SLC9C1: variants seen among roughly 807,000 people sequenced by gnomAD.
SLC9C1 encodes sodium/hydrogen exchanger 10.
A neutral mutation model predicts 140.9 loss-of-function variants in SLC9C1; 97 were observed. The observed-to-expected ratio is 0.69, with a 90% confidence interval of 0.58 to 0.82. SLC9C1 has a LOEUF of 0.82. SLC9C1 is among the 40% of genes least tolerant of loss of function. SLC9C1 has a pLI of 0.00. For missense variants in SLC9C1, 1,340 were observed against 1,389.3 expected, an observed-to-expected ratio of 0.96 and a Z score of 0.56; for synonymous variants, 440 against 442.6, an observed-to-expected ratio of 0.99 and a Z score of 0.07.
intron 5 of SLC9C1, among the ~76,000 whole-genome samples, chr3:112,275,946 C>T (rs755836713): frequency 1.3e-5 from 2 of 152,018 alleles, no homozygotes; most frequent in East Asian, 1.9e-4. Context: ...CTCCTGCCAC[C>T]GCCATGGCAG....
Position 112,179,551 on chromosome 3 carries a change from TG to T in SLC9C1, c.2898del (p.Thr967ProfsTer5). 1 of 1,605,426 alleles carries T rather than the reference TG, an allele frequency of 6.2e-7. No individual in the cohort carries two copies. Among genetic ancestry groups the T allele is most frequent in the African/African-American group, 1.3e-5 (1 of 74,748 alleles). On this transcript the variant is annotated frameshift_variant, in exon 23 of 29. Coordinates refer to ENST00000305815, the MANE Select transcript of SLC9C1 (RefSeq NM_183061.3). LOFTEE classifies it high-confidence loss of function. ...CLTNEPMKYS[A>X]TCKTVVETCF... is the part of the protein sequence containing the mutation. Reference sequence around the variant, plus strand: ...CTGACCTCCACTACAGTTTTGCAGGTGGCAGAATATTTCATAGGTTCATTAG... The same window carrying T: ...CTGACCTCCACTACAGTTTTGCAGGTGCAGAATATTTCATAGGTTCATTAG...
rs2077647359 is a variant in SLC9C1, at chr3:112,190,953, A to ACACACG, written c.2523+8367_2523+8368insCGTGTG. Among the ~76,000 whole-genome samples the ACACACG allele has an allele frequency of 2.1e-5, 3 of 146,004 alleles. No individual in the cohort carries two copies. In the South Asian group the frequency reaches 6.3e-4, roughly 31 times the overall value. On this transcript the variant is annotated intron_variant, in intron 20 of 28. Coordinates refer to ENST00000305815, the MANE Select transcript of SLC9C1 (RefSeq NM_183061.3). Reference sequence around the variant, plus strand: ...AACACACACACACACACACACACACACACACACACACATATATATATATGG... The same window carrying ACACACG: ...AACACACACACACACACACACACACACACACGCACACACACACATATATATATATGG...
At chr3:112,237,118 C>G (rs933933873) in intron 12 of SLC9C1, among the ~76,000 whole-genome samples, 3 of 152,154 alleles carry the variant, frequency 2.0e-5, no homozygotes, top group African/African-American at 4.8e-5. Context: ...TTGTAGGTCT[C>G]TAAGGAGTTG....
intron 26 of SLC9C1, among the ~76,000 whole-genome samples, chr3:112,159,946 A>G (rs192726017): frequency 1.3e-4 from 20 of 151,960 alleles, no homozygotes; most frequent in Admixed American, 3.9e-4. Flanking sequence ...TTCAGTGTAC[A>G]TGTATTTTTA....
In SLC9C1 at chr3:112,151,791, G is replaced by A. The variant is rs1395354784; in HGVS notation, c.3524+66C>T. 4.0e-6 allele frequency: 5 copies of A among 1,261,792 alleles called. No homozygotes were observed. The East Asian group carries it at 1.2e-4, about 29-fold the overall frequency. The allele number at this position is 1,261,792 out of a possible 1,614,324, so 78.2% of individuals were successfully genotyped here. ...ATCACATAAAGGGCAAGTAACTTTG[G>A]CTTCAGTCTGTATCTCCAGGGACAG... On this transcript the variant is annotated intron_variant, in intron 28 of 28. Transcript: ENST00000305815.
At chr3:112,243,932 G>T in intron 11 of SLC9C1, 63 bp downstream of exon 11, 1 of 1,111,846 alleles carries the variant, frequency 9.0e-7, no homozygotes, top group Non-Finnish European at 1.3e-6. Flanking sequence ...TTTATTATTA[G>T]CACTTCTTTA....
chr3:112,280,676 T>C lies in SLC9C1; in HGVS notation c.189+7A>G. ...AATAGTGTAAAATACTCATTTACAA[T>C]ACACACCTGTGAAGATGTAAAGCTT... is the stretch of plus-strand genomic sequence containing the variant. On this transcript the variant is annotated splice_region_variant and intron_variant, in intron 3 of 28. Coordinates refer to ENST00000305815, the MANE Select transcript of SLC9C1 (RefSeq NM_183061.3). 6.3e-7 allele frequency: 1 copy of C among 1,587,714 alleles called. No homozygotes were observed. The highest frequency in any genetic ancestry group is 8.6e-7 in the Non-Finnish European group (1 of 1,169,104).
chr3:112,257,621 A>G (rs1413522318), intron 10 of SLC9C1, among the ~76,000 whole-genome samples: 1 of 152,192 alleles, frequency 6.6e-6, no homozygotes, highest in Non-Finnish European at 1.5e-5. Flanking sequence ...AGGCAATACC[A>G]TGCTGGACAT....
intron 26 of SLC9C1, among the ~76,000 whole-genome samples, chr3:112,161,665 T>A (rs929483533): frequency 1.3e-5 from 2 of 152,120 alleles, no homozygotes; most frequent in Non-Finnish European, 1.5e-5. Flanking sequence ...GCTGTTTTGG[T>A]TACTGCAGCC....
At chr3:112,141,371 G>A in intron 28 of SLC9C1, 90 bp from the exon 29 acceptor site, 2 of 1,392,758 alleles carry the variant, frequency 1.4e-6, no homozygotes, top group Non-Finnish European at 1.9e-6. Context: ...TGTACTAGAG[G>A]GTCAATTTGA....
At chr3:112,249,423 T>C (rs1239620613) in intron 10 of SLC9C1, among the ~76,000 whole-genome samples, 4 of 152,038 alleles carry the variant, frequency 2.6e-5, no homozygotes, top group Admixed American at 2.6e-4. Context: ...TTTTCTGTTG[T>C]GTCTCTGCTA....
chr3:112,193,581 C>T (rs965574318), intron 20 of SLC9C1, among the ~76,000 whole-genome samples: 2 of 152,004 alleles, frequency 1.3e-5, no homozygotes, highest in Non-Finnish European at 2.9e-5. Context: ...CTGGGGGTAG[C>T]CCATGGGGTT....
At chr3:112,157,763 A>AT (rs56091442) in intron 26 of SLC9C1, among the ~76,000 whole-genome samples, 41,515 of 148,800 alleles carry the variant, frequency 0.28, 5,840 homozygotes, top group East Asian at 0.35. Context: ...ATTCCTAGGT[A>AT]TTTTTTTTTT....
At chr3:112,161,387 G>T (rs905482009) in intron 26 of SLC9C1, among the ~76,000 whole-genome samples, 14 of 152,064 alleles carry the variant, frequency 9.2e-5, no homozygotes, top group African/African-American at 3.1e-4. Flanking sequence ...TTTCTTCTAG[G>T]GTTTTTATGG....
In SLC9C1 at chr3:112,208,312, A is replaced by G; in HGVS notation, c.1852T>C (p.Tyr618His). The change falls in exon 16 of 29, where the codon TAC becomes CAC. Residue 618 changes from tyrosine to histidine, a missense_variant. Coordinates refer to ENST00000305815, the MANE Select transcript of SLC9C1 (RefSeq NM_183061.3). Reference sequence around the variant, plus strand: ...AATATATTCATTAATATCACAAGGTATCCAACATGTTCAAATTCCTCAGTA... The same window carrying G: ...AATATATTCATTAATATCACAAGGTGTCCAACATGTTCAAATTCCTCAGTA... ...VFTEEFEHVGYLVILMNIFPF... is the reference protein window; with the variant it reads ...VFTEEFEHVGHLVILMNIFPF... 1 of 1,608,016 alleles carries G rather than the reference A, an allele frequency of 6.2e-7. No individual in the cohort carries two copies. Among genetic ancestry groups the G allele is most frequent in the South Asian group, 1.1e-5 (1 of 90,480 alleles).
chr3:112,187,613 C>T (rs1352987260), intron 20 of SLC9C1, among the ~76,000 whole-genome samples: 1 of 151,940 alleles, frequency 6.6e-6, no homozygotes, highest in Non-Finnish European at 1.5e-5. Flanking sequence ...AGAAACCAGT[C>T]AAAATTTTTT....
At chr3:112,267,597 AGAG>A (rs140643360) in intron 7 of SLC9C1, among the ~76,000 whole-genome samples, 2 of 132,614 alleles carry the variant, frequency 1.5e-5, no homozygotes, top group Admixed American at 1.6e-4. Flanking sequence ...AAAAAAAAAA[AGAG>A]AGAGAGAGAG....
At chr3:112,202,500 C>A in intron 17 of SLC9C1, 101 bp from the exon 18 acceptor site, 1 of 1,190,726 alleles carries the variant, frequency 8.4e-7, no homozygotes, top group Non-Finnish European at 1.2e-6. Flanking sequence ...AAATTAAGTG[C>A]CCTCAAAGGT....
At chr3:112,250,127 T>A (rs2079410039) in intron 10 of SLC9C1, among the ~76,000 whole-genome samples, 1 of 150,404 alleles carries the variant, frequency 6.6e-6, no homozygotes, top group Non-Finnish European at 1.5e-5. Context: ...GTGTTCTCAT[T>A]GTTCAATTCC....
Sources: allele counts gnomAD v4.1 joint callset (sites outside exome capture counted in the v4.1 genomes callset), GRCh38; gene constraint gnomAD v4.1.1; transcripts MANE v1.5; gene names NCBI Gene and HGNC (gene_info 2026-07-23, HGNC 2026-07-21).